The following GUCY2C variants were observed in gnomAD, a reference collection of about 807,000 sequenced individuals.
The protein encoded by GUCY2C is guanylate cyclase 2C, also known as guanylyl cyclase C.
In GUCY2C, 118 loss-of-function variants were observed where a neutral mutation model predicts 131.1. The observed-to-expected ratio is 0.90, with a 90% CI of 0.78 to 1.05. GUCY2C has a LOEUF of 1.05. GUCY2C is among the 50% of genes least tolerant of loss of function. GUCY2C has a pLI of 0.00. For synonymous variants in GUCY2C, 452 were observed against 457.8 expected (o/e 0.99, Z 0.16); for missense variants, 1,161 against 1,304.4 (o/e 0.89, Z 1.69).
intron 6 of GUCY2C, among the ~76,000 whole-genome samples, chr12:14,677,540 GTTTATTTTTATTTTTACT>G (rs1948261189): frequency 6.6e-6 from 1 of 151,670 alleles, no homozygotes; most frequent in South Asian, 2.1e-4. Flanking sequence ...AAATGCTATG[GTTTATTTTTATTTTTACT>G]TTTATTTTTA....
chr12:14,631,354 T>A (rs1947142223), intron 19 of GUCY2C, among the ~76,000 whole-genome samples: 1 of 151,376 alleles, frequency 6.6e-6, no homozygotes, highest in African/African-American at 2.4e-5. Context: ...TAGCATTAGG[T>A]ATATCTCCTA....
At chr12:14,666,735 CAAA>C (rs5796603) in intron 10 of GUCY2C, among the ~76,000 whole-genome samples, 32 of 130,582 alleles carry the variant, frequency 2.5e-4, no homozygotes, top group Admixed American at 3.8e-4. Context: ...ACAATGTCTC[CAAA>C]AAAAAAAAAA....
At chr12:14,685,329 G>A (rs1193713815) in intron 3 of GUCY2C, among the ~76,000 whole-genome samples, 1 of 152,150 alleles carries the variant, frequency 6.6e-6, no homozygotes, top group African/African-American at 2.4e-5. Context: ...AGCATCTGAG[G>A]CTGTTTGTAA....
chr12:14,628,702 A>C lies in GUCY2C; in HGVS notation c.2193T>G (p.Asp731Glu). ...TTTTGAAATCTGGTCTCTTTTCTGG[A>C]TCTTCCTCCCAACAGTTTTTTACAA... ...YLLVKNCWEE[D>E]PEKRPDFKKI... Residue 731 changes from aspartate to glutamate, a missense_variant, in exon 20 of 27, where the codon GAT (aspartate) becomes GAG (glutamate). By Grantham distance (45) the Asp-to-Glu change is conservative. Coordinates refer to ENST00000261170, the MANE Select transcript of GUCY2C (RefSeq NM_004963.4). The C allele has an allele frequency of 1.9e-6, 3 of 1,603,156 alleles. No individual in the cohort carries two copies. Among genetic ancestry groups the C allele is most frequent in the African/African-American group, 1.3e-5 (1 of 74,654 alleles).
intron 3 of GUCY2C, 40 bp downstream of exon 3, chr12:14,686,121 A>G (rs547322813): frequency 5.7e-6 from 7 of 1,230,982 alleles, no homozygotes; most frequent in Admixed American, 1.7e-5. Context: ...TTAAGTTGCA[A>G]TATCATGTCC....
At chr12:14,627,171 A>G (rs1947037442) in intron 20 of GUCY2C, among the ~76,000 whole-genome samples, 1 of 152,188 alleles carries the variant, frequency 6.6e-6, no homozygotes. Flanking sequence ...TCTAAGGCAC[A>G]ATTGAAGGTG....
intron 20 of GUCY2C, 88 bp from the exon 21 acceptor site, chr12:14,626,003 ATAAT>A (rs1489708927): frequency 2.6e-6 from 2 of 774,902 alleles, no homozygotes; most frequent in Non-Finnish European, 2.1e-6. Context: ...TGATGAACAG[ATAAT>A]TAAACAAAGA....
At chr12:14,657,151 T>C (rs1050153126) in intron 11 of GUCY2C, among the ~76,000 whole-genome samples, 2 of 152,286 alleles carry the variant, frequency 1.3e-5, no homozygotes, top group South Asian at 2.1e-4. Context: ...TAGTCTTTCT[T>C]TTCTTTTCAC....
intron 1 of GUCY2C, among the ~76,000 whole-genome samples, chr12:14,692,870 A>T (rs1183878733): frequency 6.6e-6 from 1 of 152,146 alleles, no homozygotes; most frequent in Non-Finnish European, 1.5e-5. Flanking sequence ...ATAAATAAAG[A>T]GGTCCTAATA....
chr12:14,673,766 A>C (rs1948165377), intron 8 of GUCY2C, among the ~76,000 whole-genome samples: 1 of 152,262 alleles, frequency 6.6e-6, no homozygotes, highest in South Asian at 2.1e-4. Flanking sequence ...TGGTCATGGA[A>C]GTGAGGAAAT....
chr12:14,687,996 G>A lies in GUCY2C; in HGVS notation c.285C>T (p.Cys95=), dbSNP rs1199060029. Residue 95 remains cysteine (C), a synonymous_variant, in exon 2 of 27, where the codon TGC becomes TGT. Coordinates refer to ENST00000261170, the MANE Select transcript of GUCY2C (RefSeq NM_004963.4). Reference sequence around the variant, plus strand: ...CGAGGCCTTCACAGGTGCTACTCCGGCAGTCGCCTGAGTTATGAATCAGAC... The same window carrying A: ...CGAGGCCTTCACAGGTGCTACTCCGACAGTCGCCTGAGTTATGAATCAGAC... The part of the protein sequence containing the change: ...SDGLIHNSGD[C]RSSTCEGLDL... The A allele has an allele frequency of 1.2e-6, 2 of 1,613,722 alleles. No homozygotes were observed. Among genetic ancestry groups the A allele is most frequent in the Non-Finnish European group, 1.7e-6 (2 of 1,179,634 alleles).
At chr12:14,643,531 A>C (rs1250113378) in intron 17 of GUCY2C, 43 bp downstream of exon 17, 40 of 1,602,758 alleles carry the variant, frequency 2.5e-5, no homozygotes, top group Non-Finnish European at 3.4e-5. Context: ...GTTTGAAAAA[A>C]AAATCAGTTA....
At chr12:14,647,647 G>A (rs2137031732) in intron 15 of GUCY2C, among the ~76,000 whole-genome samples, 1 of 152,230 alleles carries the variant, frequency 6.6e-6, no homozygotes, top group Admixed American at 6.5e-5. Flanking sequence ...TCCTATCTAA[G>A]AACTTGACTA....
intron 18 of GUCY2C, 78 bp from the exon 19 acceptor site, chr12:14,640,028 G>GGGGA: frequency 2.1e-6 from 2 of 944,036 alleles, no homozygotes; most frequent in Non-Finnish European, 3.5e-6. Context: ...CAGAAATCCA[G>GGGGA]TTGATTCACT....
At position 14,628,670 on chromosome 12, in the gene GUCY2C, T is replaced by C; in HGVS notation, c.2225A>G (p.Glu742Gly). 6.3e-7 allele frequency: 1 copy of C among 1,577,342 alleles called. No homozygotes were observed. The highest frequency in any genetic ancestry group is 8.7e-7 in the Non-Finnish European group (1 of 1,146,776). Residue 742 changes from glutamate (E) to glycine (G), a missense_variant, in exon 20 of 27, where the codon GAG becomes GGG. Physicochemically the swap from Glu to Gly is moderately conservative, Grantham distance 98 (BLOSUM62 -2). Coordinates refer to ENST00000261170, the MANE Select transcript of GUCY2C (RefSeq NM_004963.4). The stretch of plus-strand genomic sequence containing the variant: ...CCCAAATATCTTGGCAAGTGTAGTC[T>C]CAATTTTTTTGAAATCTGGTCTCTT... Reference protein sequence around the residue: ...PEKRPDFKKIETTLAKIFGLF... With the variant: ...PEKRPDFKKIGTTLAKIFGLF...
At position 14,613,439 on chromosome 12, in the gene GUCY2C, A is replaced by G; in HGVS notation, c.3048-148T>C. ...CAGGAAATCCAAAGAATACAAAATGATCCCTGCCTTTGATGAGCTTAAAAA... is the reference window on the plus strand; with the variant it reads ...CAGGAAATCCAAAGAATACAAAATGGTCCCTGCCTTTGATGAGCTTAAAAA... On this transcript the variant is annotated intron_variant, in intron 26 of 26. Coordinates refer to ENST00000261170, the MANE Select transcript of GUCY2C (RefSeq NM_004963.4). This position sits in a 1 kb window ranked among gnomAD's most constrained non-coding sequence, Gnocchi z 4.9. 1.5e-6 allele frequency: 1 copy of G among 661,514 alleles called. No individual in the cohort carries two copies. The highest frequency in any genetic ancestry group is 2.7e-6 in the Non-Finnish European group (1 of 377,224). The allele number at this position is 661,514 out of a possible 1,614,324, so 41.0% of individuals were successfully genotyped here.
At chr12:14,627,183 T>C (rs1301290213) in intron 20 of GUCY2C, among the ~76,000 whole-genome samples, 3 of 152,196 alleles carry the variant, frequency 2.0e-5, no homozygotes, top group Non-Finnish European at 4.4e-5. Flanking sequence ...TTGAAGGTGC[T>C]GAATAAATCA....
Position 14,674,707 on chromosome 12 carries a change from A to G in GUCY2C, c.1002T>C (p.His334=), listed in dbSNP as rs1948190678. The G allele has an allele frequency of 5.0e-6, 8 of 1,611,198 alleles. No individual in the cohort carries two copies. Among genetic ancestry groups the G allele is most frequent in the Non-Finnish European group, 5.9e-6 (7 of 1,177,560 alleles). The stretch of plus-strand genomic sequence containing the variant: ...CATTTTCAAGAAATATCTTCAGCAT[A>G]TGTCCAAAGAGCAGGATTCCATTCA... ...AYLNGILLFG[H]MLKIFLENGE... The change falls in exon 8 of 27, where the codon CAT becomes CAC. Residue 334 remains histidine (H), a synonymous_variant. Transcript: ENST00000261170.
At chr12:14,650,545 C>T (rs1947629407) in intron 15 of GUCY2C, among the ~76,000 whole-genome samples, 1 of 152,222 alleles carries the variant, frequency 6.6e-6, no homozygotes, top group African/African-American at 2.4e-5. Context: ...CGTGCCCAGC[C>T]TTGTTTATTA....
Sources: allele counts gnomAD v4.1 joint callset (sites outside exome capture counted in the v4.1 genomes callset), GRCh38; gene constraint gnomAD v4.1.1; non-coding constraint Gnocchi (gnomAD v3.1); transcripts MANE v1.5; gene names NCBI Gene and HGNC (gene_info 2026-07-23, HGNC 2026-07-21).